ITFG1: variants seen among roughly 807,000 people sequenced by gnomAD.
ITFG1 encodes T-cell immunomodulatory protein.
ITFG1 carries 34 observed loss-of-function variants against 81.8 expected under a neutral mutation model. The observed-to-expected ratio is 0.42, with a 90% CI of 0.32 to 0.55. ITFG1 has a LOEUF of 0.55. Among genes scored for constraint, ITFG1 ranks in the 20% least tolerant of loss-of-function variants. The pLI, the probability that ITFG1 is intolerant of heterozygous loss-of-function variation, is 0.17. For missense variants in ITFG1, 672 were observed against 755.4 expected, an observed-to-expected ratio of 0.89 and a Z score of 1.29; for synonymous variants, 285 against 270.6, an observed-to-expected ratio of 1.05 and a Z score of -0.52.
At chr16:47,439,291 T>G (rs1389295883) in intron 5 of ITFG1, among the ~76,000 whole-genome samples, 1 of 152,116 alleles carries the variant, frequency 6.6e-6, no homozygotes, top group Non-Finnish European at 1.5e-5. Context: ...ACTTCCCCGA[T>G]CTAGCAAGGC....
At chr16:47,187,520 C>T (rs934141848) in intron 14 of ITFG1, among the ~76,000 whole-genome samples, 2 of 152,104 alleles carry the variant, frequency 1.3e-5, no homozygotes, top group Non-Finnish European at 1.5e-5. Context: ...GAAAGGATTC[C>T]CTATTTAATA....
At chr16:47,446,649 T>C (rs1210217128) in intron 5 of ITFG1, among the ~76,000 whole-genome samples, 2 of 152,138 alleles carry the variant, frequency 1.3e-5, no homozygotes. Flanking sequence ...ACTCAGAGCT[T>C]AGGCCTCCAG....
intron 10 of ITFG1, among the ~76,000 whole-genome samples, chr16:47,307,709 T>G (rs1967192611): frequency 6.6e-6 from 1 of 152,178 alleles, no homozygotes; most frequent in African/African-American, 2.4e-5. Flanking sequence ...TACTGCATGG[T>G]ACTGAGTTTT....
chr16:47,386,912 T>C (rs1375941697), intron 6 of ITFG1, among the ~76,000 whole-genome samples: 1 of 152,180 alleles, frequency 6.6e-6, no homozygotes, highest in Non-Finnish European at 1.5e-5. Flanking sequence ...GCAGTCAGCC[T>C]CATGAAAGAA....
chr16:47,341,400 G>GAAAAAAAAAAAA (rs545419792), intron 8 of ITFG1, among the ~76,000 whole-genome samples: 69 of 63,976 alleles, frequency 1.1e-3, no homozygotes, highest in African/African-American at 1.4e-3. Flanking sequence ...CTGCGCCACT[G>GAAAAAAAAAAAA]AAAAAAAAAA....
At chr16:47,356,516 C>T (rs1471824720) in intron 8 of ITFG1, among the ~76,000 whole-genome samples, 1 of 152,070 alleles carries the variant, frequency 6.6e-6, no homozygotes, top group East Asian at 1.9e-4. Flanking sequence ...ACTAGGGAAC[C>T]GAACAGGAAA....
intron 13 of ITFG1, among the ~76,000 whole-genome samples, chr16:47,222,099 T>A (rs1485548624): frequency 6.6e-6 from 1 of 152,132 alleles, no homozygotes; most frequent in African/African-American, 2.4e-5. Flanking sequence ...AGTTCTGCTC[T>A]GATTTTAGTT....
intron 14 of ITFG1, among the ~76,000 whole-genome samples, chr16:47,195,488 A>G (rs979870004): frequency 1.3e-5 from 2 of 152,170 alleles, no homozygotes; most frequent in Non-Finnish European, 2.9e-5. Context: ...TTATTACTTT[A>G]AACAAAGTTT....
At chr16:47,407,543 T>C (rs1051884180) in intron 6 of ITFG1, among the ~76,000 whole-genome samples, 7 of 152,124 alleles carry the variant, frequency 4.6e-5, no homozygotes, top group Non-Finnish European at 8.8e-5. Flanking sequence ...AATAGGGTTT[T>C]GCCATGTTGG....
At chr16:47,389,945 A>C (rs576537631) in intron 6 of ITFG1, among the ~76,000 whole-genome samples, 1 of 152,366 alleles carries the variant, frequency 6.6e-6, no homozygotes, top group East Asian at 1.9e-4. Context: ...GAACATTAAT[A>C]ACTTGTCAGT....
intron 12 of ITFG1, among the ~76,000 whole-genome samples, chr16:47,254,405 T>TACA (rs1242222259): frequency 6.6e-6 from 1 of 151,998 alleles, no homozygotes; most frequent in Non-Finnish European, 1.5e-5. Flanking sequence ...TTATTATTAT[T>TACA]ACAACTGGGA....
chr16:47,301,407 TTC>T (rs1967074123), intron 10 of ITFG1, among the ~76,000 whole-genome samples: 2 of 151,600 alleles, frequency 1.3e-5, no homozygotes, highest in Non-Finnish European at 2.9e-5. Context: ...CTTCTTCTTC[TTC>T]TTTTTTTTTT....
At chr16:47,313,899 T>A in intron 8 of ITFG1, 76 bp from the exon 9 acceptor site, 1 of 768,296 alleles carries the variant, frequency 1.3e-6, no homozygotes. Flanking sequence ...AAATTTACTA[T>A]TTGTTCAAAG....
At chr16:47,190,313 C>G (rs775677215) in intron 14 of ITFG1, among the ~76,000 whole-genome samples, 2 of 151,848 alleles carry the variant, frequency 1.3e-5, no homozygotes, top group Non-Finnish European at 2.9e-5. Context: ...TTTTTTTAGT[C>G]CCAAGTTGCA....
intron 10 of ITFG1, among the ~76,000 whole-genome samples, chr16:47,304,381 C>CA (rs1161093230): frequency 6.6e-6 from 1 of 152,148 alleles, no homozygotes; most frequent in Admixed American, 6.5e-5. Context: ...AAGTAAGTGA[C>CA]AAAAGGAAAC....
intron 12 of ITFG1, 160 bp from the exon 13 acceptor site, chr16:47,238,168 T>C (rs947193393): frequency 5.5e-5 from 30 of 545,556 alleles, no homozygotes; most frequent in African/African-American, 5.1e-4. Flanking sequence ...AGTTCTGTTG[T>C]TCACTTTATA....
At chr16:47,420,868 C>T (rs1016267171) in intron 6 of ITFG1, among the ~76,000 whole-genome samples, 2 of 152,122 alleles carry the variant, frequency 1.3e-5, no homozygotes, top group African/African-American at 2.4e-5. Flanking sequence ...TATAGCAACA[C>T]AAATGGATTA....
chr16:47,441,053 C>T (rs1420394435), intron 5 of ITFG1, among the ~76,000 whole-genome samples: 2 of 152,216 alleles, frequency 1.3e-5, no homozygotes, highest in Non-Finnish European at 2.9e-5. Flanking sequence ...ATAAACACCT[C>T]TACGCAAATA....
intron 14 of ITFG1, among the ~76,000 whole-genome samples, chr16:47,165,718 T>G (rs1964880151): frequency 1.3e-5 from 2 of 152,256 alleles, no homozygotes; most frequent in South Asian, 4.2e-4. Context: ...TGGTGGCATG[T>G]GCCTGTAGTC....
Sources: allele counts gnomAD v4.1 joint callset (sites outside exome capture counted in the v4.1 genomes callset), GRCh38; gene constraint gnomAD v4.1.1; transcripts MANE v1.5; gene names NCBI Gene and HGNC (gene_info 2026-07-23, HGNC 2026-07-21).